The following MAL variants were observed in gnomAD, a reference collection of about 807,000 sequenced individuals.
MAL encodes myelin and lymphocyte protein.
In MAL, 5 loss-of-function variants were observed where a neutral mutation model predicts 16.7. That is an observed-to-expected ratio of 0.30 (90% CI 0.16 to 0.63). MAL has a LOEUF of 0.63. Among genes scored for constraint, MAL ranks in the 30% least tolerant of loss-of-function variants. MAL has a pLI of 0.82. For missense variants in MAL, 202 were observed against 195.8 expected, an observed-to-expected ratio of 1.03 and a Z score of -0.19; for synonymous variants, 96 against 85.5, an observed-to-expected ratio of 1.12 and a Z score of -0.67.
At chr2:95,031,444 C>T (rs909035336) in intron 1 of MAL, among the ~76,000 whole-genome samples, 3 of 152,204 alleles carry the variant, frequency 2.0e-5, no homozygotes, top group African/African-American at 4.8e-5. Context: ...TTGAAGAACC[C>T]GCATTGCACT....
At position 95,047,825 on chromosome 2, in the gene MAL, ATGCCTGCCCTGTTCTCTT is replaced by A. The variant is rs1004739582; in HGVS notation, c.94-126_94-109del. ...TAAAGATGCATTTTTGCAGAGGAAAATGCCTGCCCTGTTCTCTTTGCCTGCTTCCTGTGTTTTTGCACT... is the reference window on the plus strand; with the variant it reads ...TAAAGATGCATTTTTGCAGAGGAAAATGCCTGCTTCCTGTGTTTTTGCACT... On this transcript the variant is annotated intron_variant, in intron 1 of 3. Transcript: ENST00000309988. 7.4e-6 allele frequency: 6 copies of A among 814,364 alleles called. No homozygotes were observed. The African/African-American group carries it at 1.0e-4, about 14-fold the overall frequency. 50.4% of individuals were successfully genotyped at this position (814,364 alleles called of 1,614,324 possible). A position where few individuals can be genotyped will look rare whatever the true frequency, so the allele number is the denominator to read the frequency against.
chr2:95,037,161 GTGAGTGAGTGAC>G (rs776097657), intron 1 of MAL, among the ~76,000 whole-genome samples: 5 of 150,026 alleles, frequency 3.3e-5, no homozygotes, highest in South Asian at 2.2e-4. Context: ...AACTGAGTGG[GTGAGTGAGTGAC>G]TGAGTGAGTG....
At chr2:95,053,299 C>A in intron 3 of MAL, 82 bp from the exon 4 acceptor site, 1 of 954,062 alleles carries the variant, frequency 1.0e-6, no homozygotes, top group Non-Finnish European at 1.7e-6. Context: ...CCCCCTACGC[C>A]ACGTGGGGCT....
chr2:95,037,404 C>CTGAGTGAGTGACTGAGTGGG (rs1674254598), intron 1 of MAL, among the ~76,000 whole-genome samples: 1 of 71,522 alleles, frequency 1.4e-5, no homozygotes, highest in Non-Finnish European at 3.0e-5. Flanking sequence ...GAGTGAGTGA[C>CTGAGTGAGTGACTGAGTGGG]TGAGTGAGTG....
At chr2:95,036,024 C>T (rs1345856242) in intron 1 of MAL, among the ~76,000 whole-genome samples, 5 of 152,194 alleles carry the variant, frequency 3.3e-5, no homozygotes, top group African/African-American at 1.2e-4. Flanking sequence ...CAAACTGATC[C>T]AAACCCGCTG....
intron 2 of MAL, 113 bp from the exon 3 acceptor site, chr2:95,049,468 G>C (rs958052861): frequency 8.3e-5 from 113 of 1,357,922 alleles, no homozygotes; most frequent in Middle Eastern, 4.2e-4. Flanking sequence ...GGAGGGGTGG[G>C]ATTCAAAGGA....
intron 3 of MAL, among the ~76,000 whole-genome samples, chr2:95,052,626 G>A (rs1259421494): frequency 5.3e-5 from 8 of 152,172 alleles, no homozygotes; most frequent in Non-Finnish European, 1.2e-4. Flanking sequence ...CACAAAACCA[G>A]GTGCAGAGAT....
intron 1 of MAL, among the ~76,000 whole-genome samples, chr2:95,034,386 C>G (rs1457769113): frequency 1.3e-5 from 2 of 152,238 alleles, no homozygotes; most frequent in African/African-American, 4.8e-5. Context: ...TTCTAAGCCT[C>G]TCTGCATCAC....
rs759026833 is a variant in MAL at position 95,049,752 on chromosome 2, G to A, written c.387+46G>A. 5 of 1,609,834 alleles carry A rather than the reference G, an allele frequency of 3.1e-6. No homozygotes were observed. In the Admixed American group the frequency reaches 8.4e-5, roughly 27 times the overall value. ...CTGTGTCCACAGCGGGCGGCTCCGT[G>A]GCTGGCAGGGTGTGTGTGGAGGCTG... On this transcript the variant is annotated intron_variant, in intron 3 of 3. Coordinates refer to ENST00000309988, the MANE Select transcript of MAL (RefSeq NM_002371.4).
intron 1 of MAL, among the ~76,000 whole-genome samples, chr2:95,027,857 TA>T (rs962577125): frequency 1.8e-4 from 28 of 152,268 alleles, no homozygotes; most frequent in African/African-American, 6.7e-4. Context: ...GAGGTTTTTT[TA>T]ATTATGGAAT....
rs543658210 is a variant in MAL, at chr2:95,053,502, C to A, written c.*47C>A. ...GAAAACCCAGATGGTGTTAACTGGCCGCCCCACTTTCCGGCATAACTTTTT... is the reference window on the plus strand; with the variant it reads ...GAAAACCCAGATGGTGTTAACTGGCAGCCCCACTTTCCGGCATAACTTTTT... On this transcript the variant is annotated 3_prime_UTR_variant, in exon 4 of 4. Coordinates refer to ENST00000309988, the MANE Select transcript of MAL (RefSeq NM_002371.4). The A allele has an allele frequency of 4.0e-5, 57 of 1,410,700 alleles. 1 individual carries two copies. In the South Asian group the frequency reaches 4.2e-4, roughly 10 times the overall value. 87.4% of individuals were successfully genotyped at this position (1,410,700 alleles called of 1,614,324 possible). A position where few individuals can be genotyped will look rare whatever the true frequency, so the allele number is the denominator to read the frequency against.
At position 95,049,581 on chromosome 2, in the gene MAL, G is replaced by A. The variant is rs1216306830; in HGVS notation, c.262G>A (p.Asp88Asn). The stretch of plus-strand genomic sequence containing the variant: ...CTCTGACACCCCGTCTGCCCCATAG[G>A]ACGCAGCCTACCACTGCACCGCTGC... ...HGGETSWVTL[D>N]AAYHCTAALF... Residue 88 changes from aspartate to asparagine, a missense_variant and splice_region_variant, in exon 3 of 4, where the codon GAC becomes AAC. Coordinates refer to ENST00000309988, the MANE Select transcript of MAL (RefSeq NM_002371.4). The A allele has an allele frequency of 6.2e-7, 1 of 1,614,114 alleles. No homozygotes were observed. Among genetic ancestry groups the A allele is most frequent in the Non-Finnish European group, 8.5e-7 (1 of 1,179,998 alleles).
intron 1 of MAL, among the ~76,000 whole-genome samples, chr2:95,031,772 G>A (rs1674088973): frequency 6.6e-6 from 1 of 152,226 alleles, no homozygotes; most frequent in Non-Finnish European, 1.5e-5. Flanking sequence ...TCCCTTCTCT[G>A]TAGCTATTTA....
intron 1 of MAL, among the ~76,000 whole-genome samples, chr2:95,045,345 G>C (rs1162598057): frequency 3.3e-5 from 5 of 152,260 alleles, no homozygotes; most frequent in Middle Eastern, 3.4e-3. Flanking sequence ...TGCTCCTTTG[G>C]GGTTTGGTTC....
intron 3 of MAL, among the ~76,000 whole-genome samples, chr2:95,052,164 G>A (rs1674733974): frequency 6.6e-6 from 1 of 152,242 alleles, no homozygotes; most frequent in Non-Finnish European, 1.5e-5. Context: ...GAGGTTTCTA[G>A]ATTATACAAT....
intron 3 of MAL, among the ~76,000 whole-genome samples, chr2:95,050,105 C>T (rs1016733056): frequency 6.6e-6 from 1 of 152,232 alleles, no homozygotes; most frequent in South Asian, 2.1e-4. Context: ...CCCAAGATCA[C>T]CAGTCATTGT....
At chr2:95,046,532 C>T (rs530919416) in intron 1 of MAL, among the ~76,000 whole-genome samples, 2 of 152,266 alleles carry the variant, frequency 1.3e-5, no homozygotes, top group South Asian at 2.1e-4. Flanking sequence ...CGGTGGGGAG[C>T]GGGTTTGTAT....
intron 3 of MAL, chr2:95,051,816 G>A (rs1674727803): frequency 6.6e-6 from 1 of 152,228 alleles, no homozygotes. Context: ...GGCGTTCGAT[G>A]TAAAGTCACA....
intron 1 of MAL, among the ~76,000 whole-genome samples, chr2:95,029,057 T>A (rs1674017151): frequency 6.6e-6 from 1 of 152,252 alleles, no homozygotes; most frequent in Admixed American, 6.5e-5. Context: ...GAATTTCACC[T>A]CAAGTTTAAA....
Sources: allele counts gnomAD v4.1 joint callset (sites outside exome capture counted in the v4.1 genomes callset), GRCh38; gene constraint gnomAD v4.1.1; transcripts MANE v1.5; gene names NCBI Gene and HGNC (gene_info 2026-07-23, HGNC 2026-07-21).